The following CDH18 variants were observed in gnomAD, a reference collection of about 807,000 sequenced individuals.
The protein encoded by CDH18 is cadherin-18.
CDH18 carries 31 observed loss-of-function variants against 67.9 expected under a neutral mutation model. That is an observed-to-expected ratio of 0.46 (90% confidence interval 0.34 to 0.62). The LOEUF (loss-of-function observed/expected upper bound fraction) is 0.62. Among genes scored for constraint, CDH18 ranks in the 20% least tolerant of loss-of-function variants. The pLI is 0.01. For synonymous variants in CDH18, 362 were observed against 347.2 expected (o/e 1.04, Z -0.48); for missense variants, 890 against 975.5 (o/e 0.91, Z 1.17).
chr5:19,528,327 T>C (rs1233370304), intron 9 of CDH18, among the ~76,000 whole-genome samples: 1 of 151,736 alleles, frequency 6.6e-6, no homozygotes, highest in South Asian at 2.1e-4. Flanking sequence ...CAATCATATT[T>C]TTAATGCTGC....
chr5:20,343,548 T>G (rs1168489363), intron 1 of CDH18, among the ~76,000 whole-genome samples: 2 of 152,086 alleles, frequency 1.3e-5, no homozygotes, highest in Non-Finnish European at 2.9e-5. Context: ...CAGACTGGAT[T>G]CTCTTTACAG....
At chr5:19,516,678 T>C (rs541953808) in intron 10 of CDH18, among the ~76,000 whole-genome samples, 1 of 152,338 alleles carries the variant, frequency 6.6e-6, no homozygotes, top group South Asian at 2.1e-4. Context: ...TGTATTTCTG[T>C]GGGATCGGTA....
At chr5:20,227,497 C>G (rs897825896) in intron 2 of CDH18, among the ~76,000 whole-genome samples, 1 of 152,084 alleles carries the variant, frequency 6.6e-6, no homozygotes, top group Admixed American at 6.6e-5. Context: ...ATGTCTTAAT[C>G]TTTTCTCCAC....
At chr5:19,756,895 C>T (rs10434598) in intron 3 of CDH18, among the ~76,000 whole-genome samples, 20,697 of 152,124 alleles carry the variant, frequency 0.14, 3,581 homozygotes, top group African/African-American at 0.4. Flanking sequence ...CATGAATCTT[C>T]GCTATGGGAG....
intron 9 of CDH18, among the ~76,000 whole-genome samples, chr5:19,537,432 T>C (rs1749595142): frequency 6.6e-6 from 1 of 151,944 alleles, no homozygotes; most frequent in Non-Finnish European, 1.5e-5. Context: ...TATATGTACA[T>C]ATGTAAGTGT....
At chr5:19,947,731 C>G (rs894755307) in intron 2 of CDH18, among the ~76,000 whole-genome samples, 1 of 151,372 alleles carries the variant, frequency 6.6e-6, no homozygotes, top group Non-Finnish European at 1.5e-5. Context: ...CCACTGCACT[C>G]TAGCCTGGGT....
chr5:20,407,097 C>G (rs1746333749), intron 1 of CDH18, among the ~76,000 whole-genome samples: 2 of 152,106 alleles, frequency 1.3e-5, no homozygotes, highest in Non-Finnish European at 2.9e-5. Flanking sequence ...ACACTAGACC[C>G]CCAGGTATTT....
chr5:20,301,872 GA>G (rs1735969165), intron 1 of CDH18, among the ~76,000 whole-genome samples: 1 of 131,124 alleles, frequency 7.6e-6, no homozygotes, highest in Non-Finnish European at 1.5e-5. Flanking sequence ...TCCTTTTAAA[GA>G]AAATCAGCCC....
intron 3 of CDH18, among the ~76,000 whole-genome samples, chr5:19,778,435 T>C (rs752376589): frequency 3.9e-5 from 6 of 152,172 alleles, no homozygotes; most frequent in Non-Finnish European, 8.8e-5. Context: ...CTACTGCCTA[T>C]GTAAAAATTG....
chr5:19,835,631 T>G (rs1372711308), intron 3 of CDH18, among the ~76,000 whole-genome samples: 3 of 152,148 alleles, frequency 2.0e-5, no homozygotes, highest in African/African-American at 7.2e-5. Context: ...TAGTAATTGC[T>G]GAGCTTTGCA....
intron 12 of CDH18, among the ~76,000 whole-genome samples, chr5:19,482,493 C>CAACCAAAA (rs1387424061): frequency 6.6e-6 from 1 of 152,092 alleles, no homozygotes; most frequent in East Asian, 1.9e-4. Flanking sequence ...AATATTTAGT[C>CAACCAAAA]AGTATGTTAA....
intron 1 of CDH18, among the ~76,000 whole-genome samples, chr5:20,413,263 A>T (rs59489510): frequency 1.6e-3 from 246 of 152,304 alleles, no homozygotes; most frequent in African/African-American, 5.7e-3. Context: ...ATAGTGCCGC[A>T]ATAAACATAC....
intron 2 of CDH18, among the ~76,000 whole-genome samples, chr5:20,006,719 C>A (rs1736931194): frequency 6.6e-6 from 1 of 151,832 alleles, no homozygotes; most frequent in African/African-American, 2.4e-5. Context: ...TTGTTTTAAA[C>A]ATATGTCATG....
At chr5:20,111,338 T>C (rs534072005) in intron 2 of CDH18, among the ~76,000 whole-genome samples, 1 of 152,072 alleles carries the variant, frequency 6.6e-6, no homozygotes, top group Non-Finnish European at 1.5e-5. Flanking sequence ...ATCCAATGAT[T>C]TGCTGTTGTT....
intron 2 of CDH18, among the ~76,000 whole-genome samples, chr5:20,069,063 T>A (rs945393053): frequency 7.9e-5 from 12 of 152,200 alleles, no homozygotes; most frequent in African/African-American, 2.9e-4. Context: ...GAGTTTTCCC[T>A]TCTTTTTCCA....
At chr5:20,137,125 G>T (rs1487561941) in intron 2 of CDH18, among the ~76,000 whole-genome samples, 1 of 152,084 alleles carries the variant, frequency 6.6e-6, no homozygotes, top group African/African-American at 2.4e-5. Flanking sequence ...TTGAATGTTG[G>T]CCTGCCTTGC....
intron 1 of CDH18, among the ~76,000 whole-genome samples, chr5:20,441,048 T>C (rs1163553683): frequency 6.6e-6 from 1 of 151,902 alleles, no homozygotes; most frequent in East Asian, 1.9e-4. Context: ...ATCATAAGAT[T>C]TCACCATGCC....
chr5:19,796,898 A>C (rs964399781), intron 3 of CDH18, among the ~76,000 whole-genome samples: 1 of 152,008 alleles, frequency 6.6e-6, no homozygotes, highest in Non-Finnish European at 1.5e-5. Context: ...TATACAAAGA[A>C]GTATACTCAA....
intron 1 of CDH18, among the ~76,000 whole-genome samples, chr5:20,288,308 A>C (rs1258227303): frequency 3.3e-5 from 5 of 151,922 alleles, no homozygotes; most frequent in South Asian, 2.1e-4. Context: ...CAAGATAAAA[A>C]TATGGTGAGA....
Sources: allele counts gnomAD v4.1 joint callset (sites outside exome capture counted in the v4.1 genomes callset), GRCh38; gene constraint gnomAD v4.1.1; transcripts MANE v1.5; gene names NCBI Gene and HGNC (gene_info 2026-07-23, HGNC 2026-07-21).